Variants in ST6GALNAC5 observed in about 807,000 individuals in gnomAD.
ST6GALNAC5 encodes ST6 N-acetylgalactosaminide alpha-2,6-sialyltransferase 5.
In ST6GALNAC5, 27 loss-of-function variants were observed where a neutral mutation model predicts 33.6. The ratio of observed to expected loss-of-function variants is 0.80; its 90% CI spans 0.59 to 1.11. ST6GALNAC5 has a LOEUF of 1.11. ST6GALNAC5 is among the 50% of genes least tolerant of loss of function. ST6GALNAC5 has a pLI of 0.00. For synonymous variants in ST6GALNAC5, 194 were observed against 171.2 expected, an observed-to-expected ratio of 1.13 and a Z score of -1.04; for missense variants, 428 against 454.0, an observed-to-expected ratio of 0.94 and a Z score of 0.52.
intron 2 of ST6GALNAC5, among the ~76,000 whole-genome samples, chr1:77,032,439 A>G (rs1364518576): frequency 6.6e-6 from 1 of 152,166 alleles, no homozygotes; most frequent in Non-Finnish European, 1.5e-5. Flanking sequence ...CTGCAGGAAG[A>G]TAGAAATGAT....
chr1:76,991,830 C>T (rs574064595), intron 2 of ST6GALNAC5, among the ~76,000 whole-genome samples: 2 of 127,818 alleles, frequency 1.6e-5, no homozygotes, highest in South Asian at 2.5e-4. Flanking sequence ...TTCTAACTCA[C>T]GCGTGTGCGC....
At chr1:76,931,191 A>T (rs1018489939) in intron 2 of ST6GALNAC5, among the ~76,000 whole-genome samples, 1 of 152,076 alleles carries the variant, frequency 6.6e-6, no homozygotes, top group African/African-American at 2.4e-5. Flanking sequence ...AGCCAACAAA[A>T]CACTGCCAAG....
At chr1:76,925,549 G>A (rs1186685563) in intron 2 of ST6GALNAC5, among the ~76,000 whole-genome samples, 1 of 151,948 alleles carries the variant, frequency 6.6e-6, no homozygotes, top group East Asian at 1.9e-4. Flanking sequence ...ATGCCTTCAG[G>A]AGTTTCAAAG....
At chr1:76,895,296 G>T (rs1465110547) in intron 2 of ST6GALNAC5, among the ~76,000 whole-genome samples, 1 of 151,956 alleles carries the variant, frequency 6.6e-6, no homozygotes, top group African/African-American at 2.4e-5. Flanking sequence ...AATTTTGGGG[G>T]GGTGATATGG....
At chr1:76,922,419 T>C (rs1006995304) in intron 2 of ST6GALNAC5, among the ~76,000 whole-genome samples, 1 of 152,170 alleles carries the variant, frequency 6.6e-6, no homozygotes, top group African/African-American at 2.4e-5. Flanking sequence ...GTATAGTAAA[T>C]ATGTCAGTTC....
intron 2 of ST6GALNAC5, among the ~76,000 whole-genome samples, chr1:76,978,750 A>G (rs1649127905): frequency 6.6e-6 from 1 of 152,198 alleles, no homozygotes; most frequent in Non-Finnish European, 1.5e-5. Context: ...CACTTACATT[A>G]AACACAGTAC....
At chr1:77,047,750 AT>A (rs1366845345) in intron 3 of ST6GALNAC5, among the ~76,000 whole-genome samples, 1 of 152,248 alleles carries the variant, frequency 6.6e-6, no homozygotes, top group Non-Finnish European at 1.5e-5. Context: ...CAGGAAGAAT[AT>A]TTCCATAGAG....
chr1:76,899,356 G>A (rs76232473), intron 2 of ST6GALNAC5, among the ~76,000 whole-genome samples: 1 of 151,992 alleles, frequency 6.6e-6, no homozygotes, highest in Admixed American at 6.6e-5. Flanking sequence ...AGCAGAGAAG[G>A]GGTCGGGGTG....
chr1:76,868,374 G>A lies in ST6GALNAC5; in HGVS notation c.16-123G>A. On this transcript the variant is annotated intron_variant, in intron 1 of 4. Coordinates refer to ENST00000477717, the MANE Select transcript of ST6GALNAC5 (RefSeq NM_030965.3). This position sits in a 1 kb window ranked among gnomAD's most constrained non-coding sequence, Gnocchi z 4.3. ...TGTCCCAGTTGCGTGCGGCGGGGCT[G>A]GGGCCCAGGCCGCCCCAAATCTCCC... 7.2e-7 allele frequency: 1 copy of A among 1,396,718 alleles called. No individual in the cohort carries two copies. Among genetic ancestry groups the A allele is most frequent in the Non-Finnish European group, 9.5e-7 (1 of 1,056,796 alleles). The allele number at this position is 1,396,718 out of a possible 1,614,324, so 86.5% of individuals were successfully genotyped here.
intron 2 of ST6GALNAC5, among the ~76,000 whole-genome samples, chr1:76,912,318 A>G (rs976756565): frequency 3.3e-5 from 5 of 151,968 alleles, no homozygotes; most frequent in African/African-American, 1.2e-4. Context: ...GTTCTTTTAC[A>G]TTTGCTGAGG....
At chr1:76,895,015 A>G (rs978828473) in intron 2 of ST6GALNAC5, among the ~76,000 whole-genome samples, 3 of 152,246 alleles carry the variant, frequency 2.0e-5, no homozygotes, top group African/African-American at 7.2e-5. Context: ...TGGGGGTCAC[A>G]AGGTGCTCAG....
chr1:77,044,114 C>T (rs1651922175), intron 2 of ST6GALNAC5, 90 bp from the exon 3 acceptor site: 8 of 1,410,284 alleles, frequency 5.7e-6, no homozygotes, highest in Admixed American at 5.1e-5. Context: ...GATGGGTGCC[C>T]TTCTTCAAAG....
intron 4 of ST6GALNAC5, among the ~76,000 whole-genome samples, chr1:77,055,442 A>C (rs2100476048): frequency 6.6e-6 from 1 of 152,320 alleles, no homozygotes; most frequent in East Asian, 1.9e-4. Flanking sequence ...CTCTGTGCTT[A>C]ACATGAACAC....
intron 2 of ST6GALNAC5, among the ~76,000 whole-genome samples, chr1:76,930,448 G>C (rs1647128857): frequency 6.6e-6 from 1 of 152,068 alleles, no homozygotes; most frequent in African/African-American, 2.4e-5. Flanking sequence ...AGCAATAGTA[G>C]CAATTGTAGA....
At chr1:77,033,220 G>C (rs1220096913) in intron 2 of ST6GALNAC5, among the ~76,000 whole-genome samples, 1 of 152,196 alleles carries the variant, frequency 6.6e-6, no homozygotes, top group Non-Finnish European at 1.5e-5. Flanking sequence ...CCTTTGGACA[G>C]AGAAAAATCA....
At chr1:77,053,688 T>C (rs1652300732) in intron 4 of ST6GALNAC5, among the ~76,000 whole-genome samples, 2 of 152,312 alleles carry the variant, frequency 1.3e-5, no homozygotes, top group South Asian at 4.1e-4. Flanking sequence ...ATTGAGAGTT[T>C]ATACGATAAT....
chr1:76,991,932 A>G (rs1452950706), intron 2 of ST6GALNAC5, among the ~76,000 whole-genome samples: 11 of 152,128 alleles, frequency 7.2e-5, no homozygotes, highest in Non-Finnish European at 1.6e-4. Context: ...TTTGTTTTCT[A>G]ACAAAAATAG....
intron 2 of ST6GALNAC5, among the ~76,000 whole-genome samples, chr1:77,028,818 A>G (rs1174848420): frequency 1.3e-5 from 2 of 152,234 alleles, no homozygotes; most frequent in African/African-American, 4.8e-5. Context: ...CCCAAAGTCA[A>G]CAGTTGGTAA....
chr1:77,035,149 A>G (rs1314926658), intron 2 of ST6GALNAC5, among the ~76,000 whole-genome samples: 1 of 152,184 alleles, frequency 6.6e-6, no homozygotes, highest in African/African-American at 2.4e-5. Context: ...CATTTCTGGC[A>G]AGTTCCTAGA....
Sources: gnomAD v4.1 joint callset for allele counts (sites outside exome capture counted in the v4.1 genomes callset) on GRCh38, gnomAD v4.1.1 for gene constraint, Gnocchi (gnomAD v3.1) non-coding constraint, MANE v1.5 for transcripts, NCBI Gene and HGNC (gene_info 2026-07-23, HGNC 2026-07-21) for gene names.